The following GARS1 variants were observed in gnomAD, a reference collection of about 807,000 sequenced individuals.
GARS1 encodes the protein glycine--tRNA ligase.
A neutral mutation model predicts 86.4 loss-of-function variants in GARS1; 46 were observed. The ratio of observed to expected loss-of-function variants is 0.53; its 90% confidence interval spans 0.42 to 0.68. The LOEUF (loss-of-function observed/expected upper bound fraction) is 0.68, where lower values mean the gene tolerates loss of function less well. GARS1 is among the 30% of genes least tolerant of loss of function. The probability of loss-of-function intolerance (pLI) is 0.00; values close to 1 mark genes in which losing one functional copy is unlikely to be tolerated. For missense variants in GARS1, 797 were observed against 915.6 expected (o/e 0.87, Z 1.67); for synonymous variants, 342 against 329.8 (o/e 1.04, Z -0.40).
At chr7:30,596,983 A>T (rs1293819771) in intron 1 of GARS1, among the ~76,000 whole-genome samples, 1 of 152,222 alleles carries the variant, frequency 6.6e-6, no homozygotes, top group Admixed American at 6.5e-5. Context: ...GAAATTTGTT[A>T]ATCTGGAAAA....
At chr7:30,610,093 G>A (rs1239892840) in intron 7 of GARS1, among the ~76,000 whole-genome samples, 1 of 152,200 alleles carries the variant, frequency 6.6e-6, no homozygotes, top group African/African-American at 2.4e-5. Flanking sequence ...CTGTCCAACG[G>A]AACTTTCTGC....
intron 4 of GARS1, among the ~76,000 whole-genome samples, chr7:30,601,709 AT>A (rs752552264): frequency 2.0e-5 from 3 of 152,178 alleles, no homozygotes; most frequent in Non-Finnish European, 2.9e-5. Context: ...GTTAAATACT[AT>A]TTGTTTTAAA....
At chr7:30,606,868 T>C (rs1341837680) in intron 6 of GARS1, among the ~76,000 whole-genome samples, 1 of 152,190 alleles carries the variant, frequency 6.6e-6, no homozygotes, top group Admixed American at 6.5e-5. Flanking sequence ...ATATAGATAC[T>C]TAATAGTTAA....
intron 7 of GARS1, 45 bp downstream of exon 7, chr7:30,609,775 A>T (rs750198565): frequency 1.6e-5 from 26 of 1,587,070 alleles, no homozygotes; most frequent in Non-Finnish European, 2.0e-5. Context: ...TGAAGTTTTT[A>T]AAATTGCTTA....
intron 6 of GARS1, among the ~76,000 whole-genome samples, chr7:30,604,526 T>C (rs1264876092): frequency 6.6e-6 from 1 of 152,182 alleles, no homozygotes; most frequent in African/African-American, 2.4e-5. Context: ...CTAATTTTTT[T>C]TTTAGCATGC....
At chr7:30,598,347 T>TCA (rs1791299494) in intron 1 of GARS1, among the ~76,000 whole-genome samples, 2 of 149,558 alleles carry the variant, frequency 1.3e-5, no homozygotes, top group African/African-American at 4.9e-5. Context: ...TAATGATCAC[T>TCA]CACATAATAA....
In GARS1 at chr7:30,609,003, T is replaced by A. The variant is rs74885007; in HGVS notation, c.736-582T>A. Among the ~76,000 whole-genome samples the A allele has an allele frequency of 7.9e-5, 12 of 152,340 alleles. No homozygotes were observed. The East Asian group carries it at 2.3e-3, about 29-fold the overall frequency. ...AAATTCTTAAATTGGAGGGCATACA[T>A]CATTTTACAGGATTTGGCACTGATG... On this transcript the variant is annotated intron_variant, in intron 6 of 16. Transcript: ENST00000389266.
Position 30,618,228 on chromosome 7 carries a change from T to A in GARS1, c.1359+950T>A, listed in dbSNP as rs539181178. On this transcript the variant is annotated intron_variant, in intron 10 of 16. Coordinates refer to ENST00000389266, the MANE Select transcript of GARS1 (RefSeq NM_002047.4). ...CCAGGTGTTTTATGTCTCTTCTCTG[T>A]ATTGAGCAAACATTTTCTATAAAGG... is the stretch of plus-strand genomic sequence containing the variant. Among the ~76,000 whole-genome samples the A allele has an allele frequency of 7.9e-5, 12 of 152,346 alleles. No homozygotes were observed. The East Asian group carries it at 2.1e-3, about 27-fold the overall frequency.
intron 8 of GARS1, among the ~76,000 whole-genome samples, chr7:30,614,004 T>G (rs1782833927): frequency 6.6e-6 from 1 of 152,222 alleles, no homozygotes; most frequent in African/African-American, 2.4e-5. Context: ...CCTGTGTGTA[T>G]TTTAGTTCTC....
intron 11 of GARS1, chr7:30,621,763 A>G (rs1584043885): frequency 3.7e-6 from 2 of 546,014 alleles, no homozygotes; most frequent in Admixed American, 3.3e-5. Flanking sequence ...CAGAACGTTA[A>G]TAGTTTTTCT....
At position 30,603,510 on chromosome 7, in the gene GARS1, T is replaced by C. The variant is rs758552970; in HGVS notation, c.673T>C (p.Leu225=). Residue 225 remains leucine (L), a synonymous_variant, in exon 6 of 17, where the codon TTG becomes CTG. Transcript: ENST00000389266. ...DHLLKAHLQK[L]MSDKKCSVEK... ...TGTTCTTACAGCTCATTTACAGAAA[T>C]TGATGTCTGATAAGAAGTGTTCTGT... is the stretch of plus-strand genomic sequence containing the variant. The C allele has an allele frequency of 4.3e-6, 7 of 1,613,688 alleles. 1 individual carries two copies. In the South Asian group the frequency reaches 4.4e-5, roughly 10 times the overall value.
At chr7:30,631,654 A>G (rs1304063731) in intron 15 of GARS1, 113 bp downstream of exon 15, 2 of 764,962 alleles carry the variant, frequency 2.6e-6, no homozygotes, top group Non-Finnish European at 4.6e-6. Context: ...AATATAAATG[A>G]TTTTATAAAG....
intron 6 of GARS1, among the ~76,000 whole-genome samples, 186 bp downstream of exon 6, chr7:30,603,758 C>G (rs1791428689): frequency 6.6e-6 from 1 of 152,130 alleles, no homozygotes; most frequent in African/African-American, 2.4e-5. Flanking sequence ...TGTGACTAAC[C>G]CTTTATTTCA....
At chr7:30,626,852 G>A (rs533147258) in intron 13 of GARS1, among the ~76,000 whole-genome samples, 23 of 152,104 alleles carry the variant, frequency 1.5e-4, no homozygotes, top group Non-Finnish European at 3.2e-4. Context: ...ATGGAGACAC[G>A]CACGTGTAAT....
At chr7:30,620,987 A>G (rs1474171955) in intron 10 of GARS1, among the ~76,000 whole-genome samples, 1 of 152,226 alleles carries the variant, frequency 6.6e-6, no homozygotes, top group African/African-American at 2.4e-5. Context: ...ACTCAGTATA[A>G]CAATATAAAT....
intron 9 of GARS1, among the ~76,000 whole-genome samples, chr7:30,616,401 G>T (rs1317321677): frequency 6.6e-6 from 1 of 152,148 alleles, no homozygotes; most frequent in Non-Finnish European, 1.5e-5. Context: ...AAGCCATCTG[G>T]GTTTCAGACT....
Position 30,616,156 on chromosome 7 carries a change from T to A in GARS1, c.1194+98T>A, listed in dbSNP as rs1782886559. On this transcript the variant is annotated intron_variant, in intron 9 of 16. Transcript: ENST00000389266. Reference sequence around the variant, plus strand: ...TTCTGGGTGACAAGATATTTTATTTTGGCAGTCATTTGCTTTTTTACAGTA... The same window carrying A: ...TTCTGGGTGACAAGATATTTTATTTAGGCAGTCATTTGCTTTTTTACAGTA... 2.9e-5 allele frequency: 40 copies of A among 1,371,758 alleles called. No individual in the cohort carries two copies. The South Asian group carries it at 4.6e-4, about 16-fold the overall frequency. The allele number at this position is 1,371,758 out of a possible 1,614,324, so 85.0% of individuals were successfully genotyped here. A position where few individuals can be genotyped will look rare whatever the true frequency, so the allele number is the denominator to read the frequency against.
intron 10 of GARS1, among the ~76,000 whole-genome samples, chr7:30,619,569 G>C (rs1262384998): frequency 2.6e-5 from 4 of 152,026 alleles, no homozygotes; most frequent in Non-Finnish European, 4.4e-5. Context: ...ATATGGTTAA[G>C]AACATAAGTA....
At chr7:30,612,009 ACT>A in intron 7 of GARS1, 85 bp from the exon 8 acceptor site, 1 of 1,221,848 alleles carries the variant, frequency 8.2e-7, no homozygotes, top group South Asian at 1.2e-5. Flanking sequence ...TATATTTAGG[ACT>A]TTTAGGATTT....
Sources: allele counts gnomAD v4.1 joint callset (sites outside exome capture counted in the v4.1 genomes callset), GRCh38; gene constraint gnomAD v4.1.1; transcripts MANE v1.5; gene names NCBI Gene and HGNC (gene_info 2026-07-23, HGNC 2026-07-21).